Variants in SIPA1L3 observed in about 807,000 individuals in gnomAD.
SIPA1L3 encodes signal induced proliferation associated 1 like 3, also known as signal-induced proliferation-associated 1-like protein 3.
SIPA1L3 carries 59 observed loss-of-function variants against 150.1 expected under a neutral mutation model. That is an observed-to-expected ratio of 0.39 (90% CI 0.32 to 0.49). SIPA1L3 has a LOEUF of 0.49. Ranked by LOEUF, SIPA1L3 falls within the 20% of genes least tolerant of loss-of-function variation. The probability of loss-of-function intolerance (pLI) is 0.86; values close to 1 mark genes in which losing one functional copy is unlikely to be tolerated. For missense variants in SIPA1L3, 2,211 were observed against 2,489.5 expected (o/e 0.89, Z 2.38); for synonymous variants, 1,070 against 1,077.6 (o/e 0.99, Z 0.14).
Position 38,052,437 on chromosome 19 carries a change from G to A in SIPA1L3, c.-311+23281G>A, listed in dbSNP as rs1654342. 6.5e-4 allele frequency among the ~76,000 whole-genome samples: 99 copies of A among 151,882 alleles called. 6 individuals carry two copies. The highest frequency in any genetic ancestry group is 3.7e-4 in the Non-Finnish European group (25 of 67,958). ...AGTGTTGGGCGGAGGCCTCCTCCGC[G>A]TGAGATGCTGTCCACATTGGAGGGA... On this transcript the variant is annotated intron_variant, in intron 2 of 21. Coordinates refer to ENST00000222345, the MANE Select transcript of SIPA1L3 (RefSeq NM_015073.3).
chr19:38,193,881 A>C (rs928304486), intron 18 of SIPA1L3, 101 bp downstream of exon 18: 1 of 1,306,754 alleles, frequency 7.7e-7, no homozygotes, highest in Non-Finnish European at 1.0e-6. Flanking sequence ...GCTAGAGGTC[A>C]TCAGTGTCGG....
At chr19:38,144,327 A>G (rs1365903409) in intron 12 of SIPA1L3, among the ~76,000 whole-genome samples, 1 of 152,256 alleles carries the variant, frequency 6.6e-6, no homozygotes, top group Non-Finnish European at 1.5e-5. Context: ...CACATAGTAC[A>G]CAGTCCGACA....
intron 1 of SIPA1L3, among the ~76,000 whole-genome samples, chr19:37,939,201 G>A (rs147694547): frequency 6.6e-6 from 1 of 152,134 alleles, no homozygotes; most frequent in East Asian, 1.9e-4. Context: ...TCTACCCACT[G>A]TGCCGTTGCA....
intron 12 of SIPA1L3, among the ~76,000 whole-genome samples, chr19:38,143,247 C>A (rs1034954107): frequency 6.6e-6 from 1 of 152,128 alleles, no homozygotes; most frequent in Non-Finnish European, 1.5e-5. Context: ...TGAGCTTATT[C>A]CCCAGCTGCC....
chr19:37,980,292 A>C (rs1319776807), intron 1 of SIPA1L3, among the ~76,000 whole-genome samples: 1 of 152,152 alleles, frequency 6.6e-6, no homozygotes, highest in Non-Finnish European at 1.5e-5. Flanking sequence ...CTAAGGTATC[A>C]TTATATCAAT....
intron 1 of SIPA1L3, among the ~76,000 whole-genome samples, chr19:37,939,438 A>G (rs2046632668): frequency 6.6e-6 from 1 of 151,058 alleles, no homozygotes; most frequent in African/African-American, 2.4e-5. Context: ...TTTCAACCGC[A>G]TATAATTTAG....
At chr19:37,924,668 A>G (rs2046486342) in intron 1 of SIPA1L3, among the ~76,000 whole-genome samples, 1 of 143,916 alleles carries the variant, frequency 6.9e-6, no homozygotes, top group Non-Finnish European at 1.5e-5. Flanking sequence ...ACAGGGCTAG[A>G]CTCTATCTCA....
At chr19:38,020,393 C>A (rs574197077) in intron 1 of SIPA1L3, among the ~76,000 whole-genome samples, 1 of 152,242 alleles carries the variant, frequency 6.6e-6, no homozygotes, top group African/African-American at 2.4e-5. Flanking sequence ...GACCACTGTT[C>A]TGTCTTCCAT....
At chr19:38,125,297 A>G (rs1265767485) in intron 9 of SIPA1L3, among the ~76,000 whole-genome samples, 1 of 152,108 alleles carries the variant, frequency 6.6e-6, no homozygotes, top group African/African-American at 2.4e-5. Flanking sequence ...TGGCCTCCCA[A>G]AGTGCTAGAA....
intron 18 of SIPA1L3, among the ~76,000 whole-genome samples, chr19:38,194,493 G>C (rs985359755): frequency 6.6e-6 from 1 of 152,214 alleles, no homozygotes; most frequent in African/African-American, 2.4e-5. Flanking sequence ...TAGCAATGAG[G>C]AGCTTGGGGC....
intron 2 of SIPA1L3, among the ~76,000 whole-genome samples, chr19:38,032,625 C>T (rs1175315527): frequency 6.6e-6 from 1 of 152,062 alleles, no homozygotes; most frequent in African/African-American, 2.4e-5. Context: ...GGGTCACTTG[C>T]GGTCAGGAGT....
intron 2 of SIPA1L3, among the ~76,000 whole-genome samples, chr19:38,066,473 G>A (rs1025044684): frequency 3.3e-5 from 5 of 152,198 alleles, no homozygotes; most frequent in East Asian, 1.9e-4. Flanking sequence ...CTTTCTTGAC[G>A]TAGACTGGTG....
At chr19:37,960,177 A>C (rs1424265291) in intron 1 of SIPA1L3, among the ~76,000 whole-genome samples, 1 of 152,082 alleles carries the variant, frequency 6.6e-6, no homozygotes, top group African/African-American at 2.4e-5. Flanking sequence ...TAAAGGATTT[A>C]TGTAATATTT....
intron 2 of SIPA1L3, among the ~76,000 whole-genome samples, chr19:38,037,342 C>G (rs767327417): frequency 6.6e-6 from 1 of 152,126 alleles, no homozygotes; most frequent in Non-Finnish European, 1.5e-5. Flanking sequence ...CCAGTGGGGG[C>G]GAGGAATGGG....
At chr19:38,183,708 C>T (rs1972612636) in intron 16 of SIPA1L3, among the ~76,000 whole-genome samples, 1 of 152,146 alleles carries the variant, frequency 6.6e-6, no homozygotes, top group Non-Finnish European at 1.5e-5. Flanking sequence ...GCCCCTAAGG[C>T]AGGGTGTGGA....
At chr19:38,017,953 C>T (rs981006458) in intron 1 of SIPA1L3, among the ~76,000 whole-genome samples, 2 of 152,044 alleles carry the variant, frequency 1.3e-5, no homozygotes, top group Admixed American at 6.6e-5. Context: ...TGGCTGACTG[C>T]GGCCACACAG....
In SIPA1L3 at chr19:38,204,199, C is replaced by T. The variant is rs1238546079; in HGVS notation, c.5193C>T (p.Asp1731=). Residue 1731 remains aspartate (D), a synonymous_variant, in exon 21 of 22, where the codon GAC becomes GAT. Transcript: ENST00000222345. The stretch of plus-strand genomic sequence containing the variant: ...TGATGCTGAAACAGCTGCACACTGA[C>T]CTGCAGAAGGTAAGGCCGGGGGCCA... ...LEVMLKQLHT[D]LQKEKQDKVV... is the part of the protein sequence containing the mutation. 1 of 1,555,870 alleles carries T rather than the reference C, an allele frequency of 6.4e-7. No homozygotes were observed. The highest frequency in any genetic ancestry group is 1.4e-5 in the African/African-American group (1 of 73,114).
intron 1 of SIPA1L3, among the ~76,000 whole-genome samples, chr19:38,027,472 C>A (rs1640000452): frequency 6.6e-6 from 1 of 152,056 alleles, no homozygotes; most frequent in Non-Finnish European, 1.5e-5. Flanking sequence ...GGCTTCCTTC[C>A]TGGGAGATTC....
intron 19 of SIPA1L3, among the ~76,000 whole-genome samples, chr19:38,198,926 A>G (rs1473690131): frequency 6.6e-6 from 1 of 152,156 alleles, no homozygotes; most frequent in Non-Finnish European, 1.5e-5. Flanking sequence ...CACTGCACTC[A>G]CTGCACTCCA....
Sources: allele counts gnomAD v4.1 joint callset (sites outside exome capture counted in the v4.1 genomes callset), GRCh38; gene constraint gnomAD v4.1.1; transcripts MANE v1.5; gene names NCBI Gene and HGNC (gene_info 2026-07-23, HGNC 2026-07-21).